The following SYT1 variants were observed in gnomAD, a reference collection of about 807,000 sequenced individuals.
SYT1 encodes synaptotagmin-1.
Under a neutral mutation model 44.8 loss-of-function variants are expected in SYT1, and 8 were observed. The observed-to-expected ratio is 0.18, with a 90% CI of 0.10 to 0.32. The LOEUF (loss-of-function observed/expected upper bound fraction) is 0.32, where lower values mean the gene tolerates loss of function less well. SYT1 is among the 10% of genes least tolerant of loss of function. The pLI is 1.00. For missense variants in SYT1, 286 were observed against 509.3 expected (o/e 0.56, Z 4.22); for synonymous variants, 154 against 188.8 (o/e 0.82, Z 1.51).
At chr12:79,384,935 G>C (rs1884373012) in intron 9 of SYT1, among the ~76,000 whole-genome samples, 1 of 150,486 alleles carries the variant, frequency 6.6e-6, no homozygotes, top group Non-Finnish European at 1.5e-5. Flanking sequence ...TTTGCTAGTA[G>C]TTATTCCCAC....
At chr12:78,945,502 T>C (rs1878606805) in intron 1 of SYT1, among the ~76,000 whole-genome samples, 1 of 151,372 alleles carries the variant, frequency 6.6e-6, no homozygotes, top group African/African-American at 2.4e-5. Flanking sequence ...ATTTCTTTCT[T>C]TCTTTCTTTA....
chr12:79,448,645 T>C (rs1870865246), intron 10 of SYT1, among the ~76,000 whole-genome samples: 2 of 152,218 alleles, frequency 1.3e-5, no homozygotes, highest in Non-Finnish European at 2.9e-5. Flanking sequence ...GTTATATAAC[T>C]TCTCAGAGCT....
At chr12:78,871,410 TA>T (rs1873813716) in intron 1 of SYT1, among the ~76,000 whole-genome samples, 1 of 152,036 alleles carries the variant, frequency 6.6e-6, no homozygotes, top group South Asian at 2.1e-4. Context: ...GAGAAAGAGC[TA>T]ACTGAGTATC....
intron 9 of SYT1, among the ~76,000 whole-genome samples, chr12:79,442,737 C>A (rs1160536940): frequency 6.6e-6 from 1 of 152,058 alleles, no homozygotes; most frequent in African/African-American, 2.4e-5. Flanking sequence ...GATAAAAATA[C>A]CCTTTTTTCA....
chr12:79,205,198 G>A (rs888122061), intron 3 of SYT1, among the ~76,000 whole-genome samples: 8 of 152,066 alleles, frequency 5.3e-5, no homozygotes, highest in African/African-American at 1.4e-4. Context: ...TCCTGACCTC[G>A]TGATCTGCCC....
At chr12:79,077,327 C>T (rs756293720) in intron 3 of SYT1, among the ~76,000 whole-genome samples, 3 of 152,156 alleles carry the variant, frequency 2.0e-5, no homozygotes, top group Admixed American at 6.5e-5. Context: ...TGATACAGTG[C>T]ATTCACACTA....
At chr12:79,005,939 C>T (rs1400140096) in intron 2 of SYT1, among the ~76,000 whole-genome samples, 1 of 152,072 alleles carries the variant, frequency 6.6e-6, no homozygotes, top group Non-Finnish European at 1.5e-5. Flanking sequence ...AGGAGTATTG[C>T]CATTTGGATA....
intron 3 of SYT1, among the ~76,000 whole-genome samples, chr12:79,102,226 C>T (rs555498598): frequency 6.6e-6 from 1 of 152,074 alleles, no homozygotes; most frequent in Admixed American, 6.5e-5. Context: ...AATATACCTA[C>T]ACATATGTCC....
In SYT1 at chr12:79,236,817, C is replaced by T. The variant is rs117544181; in HGVS notation, c.166+19132C>T. On this transcript the variant is annotated intron_variant, in intron 4 of 10. Transcript: ENST00000261205. ...AGAATATGCATGGAAACAATAACAACGTAGCATGTGATGCATAATAAAACT... is the reference window on the plus strand; with the variant it reads ...AGAATATGCATGGAAACAATAACAATGTAGCATGTGATGCATAATAAAACT... Among the ~76,000 whole-genome samples, 932 of 152,248 alleles carry T rather than the reference C, an allele frequency of 6.1e-3. 34 individuals carry two copies. The East Asian group carries it at 0.099, about 16-fold the overall frequency.
chr12:79,096,179 A>AAAG (rs1878117710), intron 3 of SYT1, among the ~76,000 whole-genome samples: 2 of 151,936 alleles, frequency 1.3e-5, no homozygotes, highest in African/African-American at 4.8e-5. Flanking sequence ...CCTTTCTTTA[A>AAAG]TTCCCTTTTC....
chr12:79,273,313 C>G (rs1878536320), intron 4 of SYT1, among the ~76,000 whole-genome samples: 1 of 151,830 alleles, frequency 6.6e-6, no homozygotes, highest in African/African-American at 2.4e-5. Flanking sequence ...GCTAAGGTCT[C>G]ATGTTGCCTA....
chr12:79,447,366 C>A (rs1477660181), intron 10 of SYT1, among the ~76,000 whole-genome samples: 1 of 152,108 alleles, frequency 6.6e-6, no homozygotes, highest in Non-Finnish European at 1.5e-5. Flanking sequence ...CTTTCTCTAT[C>A]CCTATGAAAT....
intron 5 of SYT1, 70 bp downstream of exon 5, chr12:79,286,041 A>G (rs1879298717): frequency 1.3e-6 from 2 of 1,491,668 alleles, no homozygotes; most frequent in Non-Finnish European, 1.8e-6. Context: ...ATTTTATGCC[A>G]TATAATTACA....
chr12:79,216,533 C>T (rs117066565), intron 3 of SYT1, among the ~76,000 whole-genome samples: 3,469 of 152,204 alleles, frequency 0.023, 59 homozygotes, highest in Non-Finnish European at 0.034. Context: ...AAGAAAAATC[C>T]AGGAAGGGCA....
chr12:79,436,992 AG>A (rs1245748903), intron 9 of SYT1, among the ~76,000 whole-genome samples: 8 of 152,216 alleles, frequency 5.3e-5, no homozygotes, highest in African/African-American at 1.9e-4. Context: ...TAAAATCTTC[AG>A]GGAAGTGGTG....
chr12:79,440,435 G>A (rs1870345707), intron 9 of SYT1, among the ~76,000 whole-genome samples: 1 of 152,116 alleles, frequency 6.6e-6, no homozygotes, highest in Admixed American at 6.5e-5. Flanking sequence ...GGAACAGAAT[G>A]AATCCATACA....
chr12:79,018,182 A>T (rs1455562833), intron 2 of SYT1, among the ~76,000 whole-genome samples: 1 of 151,854 alleles, frequency 6.6e-6, no homozygotes, highest in Non-Finnish European at 1.5e-5. Context: ...TGATGAGTTC[A>T]TGTCCTTTGT....
intron 4 of SYT1, among the ~76,000 whole-genome samples, chr12:79,218,670 C>T (rs1874964108): frequency 6.6e-6 from 1 of 152,122 alleles, no homozygotes; most frequent in African/African-American, 2.4e-5. Flanking sequence ...CAATGTTCAC[C>T]AGGTTCATTC....
At chr12:79,285,144 C>G (rs1879246748) in intron 4 of SYT1, among the ~76,000 whole-genome samples, 1 of 152,186 alleles carries the variant, frequency 6.6e-6, no homozygotes, top group South Asian at 2.1e-4. Context: ...GCTTGATTTT[C>G]AAATCACCAA....
Sources: gnomAD v4.1 joint callset for allele counts (sites outside exome capture counted in the v4.1 genomes callset) on GRCh38, gnomAD v4.1.1 for gene constraint, MANE v1.5 for transcripts, NCBI Gene and HGNC (gene_info 2026-07-23, HGNC 2026-07-21) for gene names.